NDE1: variants seen among roughly 807,000 people sequenced by gnomAD.
The protein encoded by NDE1 is nudE neurodevelopment protein 1.
In NDE1, 28 loss-of-function variants were observed where a neutral mutation model predicts 43.4. That is an observed-to-expected ratio of 0.65 (90% CI 0.48 to 0.89). The LOEUF (loss-of-function observed/expected upper bound fraction) is 0.89. NDE1 is among the 40% of genes least tolerant of loss of function. The pLI is 0.00. For missense variants in NDE1, 441 were observed against 434.1 expected (o/e 1.02, Z -0.14); for synonymous variants, 184 against 172.0 (o/e 1.07, Z -0.55).
chr16:15,669,794 C>T (rs1386992687), intron 3 of NDE1, among the ~76,000 whole-genome samples: 3 of 152,226 alleles, frequency 2.0e-5, no homozygotes. Flanking sequence ...CCCGCCTGAC[C>T]ACACTGTGGG....
At chr16:15,666,930 C>G (rs1343575625) in intron 2 of NDE1, among the ~76,000 whole-genome samples, 1 of 152,126 alleles carries the variant, frequency 6.6e-6, no homozygotes, top group African/African-American at 2.4e-5. Context: ...AAAGGTAATT[C>G]AGGCTTGATA....
intron 1 of NDE1, 98 bp from the exon 2 acceptor site, chr16:15,664,638 A>G: frequency 1.4e-6 from 1 of 721,968 alleles, no homozygotes; most frequent in East Asian, 2.5e-5. Flanking sequence ...TATAGGCGTG[A>G]GCCACCGCGC....
intron 4 of NDE1, chr16:15,686,917 G>A: frequency 1.1e-6 from 1 of 939,924 alleles, no homozygotes; most frequent in Non-Finnish European, 1.3e-6. Context: ...GGCTGGTCTT[G>A]AACTCCTGAT....
chr16:15,706,185 C>G (rs1421128772), intron 8 of NDE1, among the ~76,000 whole-genome samples: 1 of 152,104 alleles, frequency 6.6e-6, no homozygotes, highest in Non-Finnish European at 1.5e-5. Context: ...GTAAACACTC[C>G]TAGCCCAGCT....
intron 4 of NDE1, among the ~76,000 whole-genome samples, chr16:15,682,156 C>A (rs554988172): frequency 6.6e-6 from 1 of 152,110 alleles, no homozygotes; most frequent in African/African-American, 2.4e-5. Context: ...CCCAGTTCAC[C>A]ATTATAGAAT....
intron 1 of NDE1, among the ~76,000 whole-genome samples, chr16:15,658,756 A>G (rs980990751): frequency 5.3e-5 from 8 of 152,180 alleles, no homozygotes; most frequent in Admixed American, 3.9e-4. Flanking sequence ...TCCCGGGTTC[A>G]AGCGATTCTC....
intron 8 of NDE1, chr16:15,718,747 A>C (rs896681931): frequency 1.0e-5 from 5 of 485,676 alleles, no homozygotes; most frequent in African/African-American, 9.7e-5. Context: ...CACACCCCCA[A>C]ACAGGCATGA....
upstream of NDE1, among the ~76,000 whole-genome samples, chr16:15,647,739 T>C (rs2036359428): frequency 6.6e-6 from 1 of 152,098 alleles, no homozygotes; most frequent in Admixed American, 6.6e-5. Context: ...AGAAGAATGC[T>C]CATAATGCCG....
chr16:15,681,926 C>CT (rs2038203070), intron 4 of NDE1, among the ~76,000 whole-genome samples: 1 of 152,132 alleles, frequency 6.6e-6, no homozygotes, highest in South Asian at 2.1e-4. Flanking sequence ...GTTGGCCAGG[C>CT]TGGTATTTGA....
At chr16:15,713,291 A>G (rs7205185) in intron 8 of NDE1, 20,928 of 151,222 alleles carry the variant, frequency 0.14, 2,434 homozygotes, top group African/African-American at 0.32. Context: ...CGGAGGTAGG[A>G]TGATGAGGCA....
chr16:15,667,788 C>T (rs139549571), intron 3 of NDE1, among the ~76,000 whole-genome samples: 2,531 of 151,866 alleles, frequency 0.017, 71 homozygotes, highest in African/African-American at 0.057. Flanking sequence ...CCTGCTACCA[C>T]GCCTGGCTAA....
intron 8 of NDE1, among the ~76,000 whole-genome samples, chr16:15,706,746 C>A (rs1300594611): frequency 1.3e-5 from 2 of 152,032 alleles, no homozygotes; most frequent in Non-Finnish European, 2.9e-5. Context: ...GGGAAGTAGT[C>A]CCTAACCTCC....
At chr16:15,721,213 G>A (rs940788694) in intron 8 of NDE1, 1 of 965,180 alleles carries the variant, frequency 1.0e-6, no homozygotes, top group African/African-American at 1.6e-5. Flanking sequence ...TCAGACCCCA[G>A]CCTTATCCTC....
In NDE1 at chr16:15,719,503, T is replaced by C. The variant is rs532601748; in HGVS notation, c.948-4688T>C. 3.7e-6 allele frequency: 6 copies of C among 1,601,750 alleles called. No individual in the cohort carries two copies. In the African/African-American group the frequency reaches 8.0e-5, roughly 21 times the overall value. The stretch of plus-strand genomic sequence containing the variant: ...CCCCAGAGGAGGACGAAATGAAATC[T>C]GGGAATGCACAGACTGGAGCTGCCA... On this transcript the variant is annotated intron_variant, in intron 8 of 8. Coordinates refer to ENST00000396354, the MANE Select transcript of NDE1 (RefSeq NM_017668.3).
intron 8 of NDE1, among the ~76,000 whole-genome samples, chr16:15,709,942 C>T (rs956756204): frequency 6.6e-6 from 1 of 152,092 alleles, no homozygotes; most frequent in Non-Finnish European, 1.5e-5. Context: ...GGGCTTGTGT[C>T]GAGATGCGTC....
At chr16:15,712,459 G>C (rs1162064477) in intron 8 of NDE1, among the ~76,000 whole-genome samples, 1 of 152,068 alleles carries the variant, frequency 6.6e-6, no homozygotes, top group African/African-American at 2.4e-5. Context: ...ACCAGCCTGG[G>C]CAACATGGTG....
chr16:15,720,304 C>T lies in NDE1; in HGVS notation c.948-3887C>T. 1 of 1,613,990 alleles carries T rather than the reference C, an allele frequency of 6.2e-7. No individual in the cohort carries two copies. The highest frequency in any genetic ancestry group is 8.5e-7 in the Non-Finnish European group (1 of 1,179,958). On this transcript the variant is annotated intron_variant, in intron 8 of 8. Transcript: ENST00000396354. ...GCTCGTCTTCCAGTTCCGTCTCATACTCGTGAAGCTGGGCGAGGAATAGAG... is the reference window on the plus strand; with the variant it reads ...GCTCGTCTTCCAGTTCCGTCTCATATTCGTGAAGCTGGGCGAGGAATAGAG...
intron 1 of NDE1, among the ~76,000 whole-genome samples, chr16:15,651,199 C>A (rs937741501): frequency 2.6e-5 from 4 of 152,174 alleles, no homozygotes; most frequent in Admixed American, 2.0e-4. Flanking sequence ...GGTTGTGCCT[C>A]TTAATTTCTA....
intron 8 of NDE1, chr16:15,711,346 A>G (rs763990656): frequency 6.6e-6 from 1 of 152,108 alleles, no homozygotes; most frequent in Non-Finnish European, 1.5e-5. Flanking sequence ...GAGAGAGTCT[A>G]TTTGGTGCTA....
Sources: allele counts gnomAD v4.1 joint callset (sites outside exome capture counted in the v4.1 genomes callset), GRCh38; gene constraint gnomAD v4.1.1; transcripts MANE v1.5; gene names NCBI Gene and HGNC (gene_info 2026-07-23, HGNC 2026-07-21).